Variants in HTR4 observed in about 807,000 individuals in gnomAD.
HTR4 encodes the protein 5-hydroxytryptamine (serotonin) receptor 4, G protein-coupled.
In HTR4, 16 loss-of-function variants were observed where a neutral mutation model predicts 36.8. The ratio of observed to expected loss-of-function variants is 0.43; its 90% CI spans 0.29 to 0.66. The LOEUF (loss-of-function observed/expected upper bound fraction) is 0.66, where lower values mean the gene tolerates loss of function less well. HTR4 is among the 30% of genes least tolerant of loss of function. The pLI is 0.13. For synonymous variants in HTR4, 189 were observed against 185.1 expected (o/e 1.02, Z -0.17); for missense variants, 438 against 490.9 (o/e 0.89, Z 1.02).
rs942423684 is a variant in HTR4 at position 148,644,581 on chromosome 5, T to C, written c.-47-7520A>G. On this transcript the variant is annotated intron_variant, in intron 1 of 6. Coordinates refer to ENST00000377888, the MANE Select transcript of HTR4 (RefSeq NM_000870.7). Reference sequence around the variant, plus strand: ...GGGAATAATAATATAAAAAATGGAATAAGACACAGTCAATAAGATGTGTGT... The same window carrying C: ...GGGAATAATAATATAAAAAATGGAACAAGACACAGTCAATAAGATGTGTGT... 5 of 152,078 alleles carry C rather than the reference T, an allele frequency of 3.3e-5. No homozygotes were observed. The East Asian group carries it at 9.6e-4, about 29-fold the overall frequency. 9.4% of individuals were successfully genotyped at this position (152,078 alleles called of 1,614,324 possible).
At chr5:148,589,860 T>C (rs1761490872) in intron 2 of HTR4, among the ~76,000 whole-genome samples, 2 of 151,936 alleles carry the variant, frequency 1.3e-5, no homozygotes, top group Non-Finnish European at 2.9e-5. Context: ...TGGGAACATA[T>C]GAGATCTACT....
chr5:148,619,596 G>A (rs1752839940), intron 2 of HTR4, among the ~76,000 whole-genome samples: 1 of 152,026 alleles, frequency 6.6e-6, no homozygotes, highest in Non-Finnish European at 1.5e-5. Flanking sequence ...GAAGCCCAAG[G>A]AAAACACTAA....
intron 4 of HTR4, among the ~76,000 whole-genome samples, chr5:148,546,020 T>C (rs930905220): frequency 3.3e-5 from 5 of 152,124 alleles, no homozygotes; most frequent in Non-Finnish European, 5.9e-5. Context: ...TAGAGAGAAA[T>C]AGACTAGGAT....
intron 6 of HTR4, among the ~76,000 whole-genome samples, chr5:148,489,047 T>A (rs1756292251): frequency 6.6e-6 from 1 of 152,226 alleles, no homozygotes; most frequent in Non-Finnish European, 1.5e-5. Flanking sequence ...AAACTCTGAA[T>A]CTTTGGGAGT....
At chr5:148,638,777 G>A (rs918508570) in intron 1 of HTR4, among the ~76,000 whole-genome samples, 26 of 152,200 alleles carry the variant, frequency 1.7e-4, no homozygotes, top group South Asian at 1.2e-3. Context: ...ATTCCTGGCC[G>A]GGGGCAGTAG....
At chr5:148,645,568 T>C (rs1753856834) in intron 1 of HTR4, 1 of 152,166 alleles carries the variant, frequency 6.6e-6, no homozygotes, top group Non-Finnish European at 1.5e-5. Flanking sequence ...TAACTACCAA[T>C]ATGACCTTGG....
intron 4 of HTR4, among the ~76,000 whole-genome samples, chr5:148,537,435 TC>T (rs1758881475): frequency 6.6e-6 from 1 of 151,872 alleles, no homozygotes; most frequent in Non-Finnish European, 1.5e-5. Flanking sequence ...ATTCAAAAGA[TC>T]AATGAACCCA....
At position 148,482,330 on chromosome 5, in the gene HTR4, C is replaced by T; in HGVS notation, c.*873G>A. The T allele has an allele frequency of 1.0e-6, 1 of 985,494 alleles. No individual in the cohort carries two copies. The highest frequency in any genetic ancestry group is 1.2e-6 in the Non-Finnish European group (1 of 830,010). 61.0% of individuals were successfully genotyped at this position (985,494 alleles called of 1,614,324 possible). On this transcript the variant is annotated 3_prime_UTR_variant, in exon 7 of 7. Coordinates refer to ENST00000377888, the MANE Select transcript of HTR4 (RefSeq NM_000870.7). Reference sequence around the variant, plus strand: ...GAAAGATCCTGAAGCCTAATAAACACCTACGATGTTGCTAGCCCTGCCCAA... The same window carrying T: ...GAAAGATCCTGAAGCCTAATAAACATCTACGATGTTGCTAGCCCTGCCCAA...
intron 2 of HTR4, chr5:148,630,172 C>G (rs183606675): frequency 1.3e-5 from 2 of 152,284 alleles, no homozygotes; most frequent in Non-Finnish European, 2.9e-5. Context: ...TCTCCGTTTG[C>G]TTAAAATATA....
At chr5:148,469,589 G>A (rs1755515071) in intron 5 of HTR4, among the ~76,000 whole-genome samples, 1 of 152,184 alleles carries the variant, frequency 6.6e-6, no homozygotes, top group South Asian at 2.1e-4. Context: ...TCCTACACGG[G>A]GGTTGTGTTT....
At chr5:148,603,555 T>C (rs1052823240) in intron 2 of HTR4, among the ~76,000 whole-genome samples, 5 of 151,910 alleles carry the variant, frequency 3.3e-5, no homozygotes, top group Admixed American at 1.3e-4. Flanking sequence ...GAAAACAAAG[T>C]ACAAAGTTTG....
chr5:148,482,375 C>G lies in HTR4; in HGVS notation c.*828G>C. The G allele has an allele frequency of 6.1e-6, 6 of 985,526 alleles. No homozygotes were observed. Among genetic ancestry groups the G allele is most frequent in the Non-Finnish European group, 7.2e-6 (6 of 830,004 alleles). The allele number at this position is 985,526 out of a possible 1,614,324, so 61.0% of individuals were successfully genotyped here. ...GCCCAAGGCTTTTTAGAAGACGTCC[C>G]GTTCTAGCCCAGCAGGAGAGCGAGC... On this transcript the variant is annotated 3_prime_UTR_variant, in exon 7 of 7. Coordinates refer to ENST00000377888, the MANE Select transcript of HTR4 (RefSeq NM_000870.7).
intron 2 of HTR4, among the ~76,000 whole-genome samples, chr5:148,552,516 C>T (rs557684449): frequency 1.3e-5 from 2 of 152,248 alleles, no homozygotes; most frequent in Non-Finnish European, 2.9e-5. Flanking sequence ...CTAACGGCCC[C>T]CCTGAAACTC....
chr5:148,626,589 C>G (rs140142174), intron 2 of HTR4, among the ~76,000 whole-genome samples: 9 of 152,316 alleles, frequency 5.9e-5, no homozygotes, highest in African/African-American at 1.9e-4. Context: ...TCATAAGCTT[C>G]CTGAGTTCAG....
At chr5:148,528,916 C>T (rs772614948) in intron 4 of HTR4, among the ~76,000 whole-genome samples, 2 of 150,890 alleles carry the variant, frequency 1.3e-5, no homozygotes, top group African/African-American at 2.4e-5. Context: ...ATTTAATCCG[C>T]ACAACTATTA....
At chr5:148,574,388 G>A (rs962124258) in intron 2 of HTR4, among the ~76,000 whole-genome samples, 2 of 145,750 alleles carry the variant, frequency 1.4e-5, no homozygotes, top group Non-Finnish European at 3.0e-5. Flanking sequence ...AGGCTCTCGC[G>A]CGCTCTCTCT....
chr5:148,577,830 G>T (rs1249397381), intron 2 of HTR4, among the ~76,000 whole-genome samples: 1 of 152,050 alleles, frequency 6.6e-6, no homozygotes, highest in Admixed American at 6.6e-5. Flanking sequence ...GGTGGAGGGT[G>T]AGAGGAGGGA....
chr5:148,504,532 G>A (rs1033545117), intron 6 of HTR4, among the ~76,000 whole-genome samples: 1 of 152,152 alleles, frequency 6.6e-6, no homozygotes, highest in Admixed American at 6.5e-5. Context: ...ATGCCCACAA[G>A]AGAAAGCAGG....
Position 148,546,589 on chromosome 5 carries a change from C to T in HTR4, c.353+2079G>A, listed in dbSNP as rs142248017. On this transcript the variant is annotated intron_variant, in intron 4 of 6. Coordinates refer to ENST00000377888, the MANE Select transcript of HTR4 (RefSeq NM_000870.7). ...ACCTCTAGACCTTCTCTCAGGGCTG[C>T]CCACAGCAAACTCTCCACAATGGAC... Among the ~76,000 whole-genome samples, 367 of 152,298 alleles carry T rather than the reference C, an allele frequency of 2.4e-3. 12 individuals are homozygous for T. In the East Asian group the frequency reaches 0.04, roughly 17 times the overall value.
Sources: gnomAD v4.1 joint callset for allele counts (sites outside exome capture counted in the v4.1 genomes callset) on GRCh38, gnomAD v4.1.1 for gene constraint, MANE v1.5 for transcripts, NCBI Gene and HGNC (gene_info 2026-07-23, HGNC 2026-07-21) for gene names.